Variants in A1CF observed in about 807,000 individuals in gnomAD.
A1CF encodes APOBEC-1 stimulating protein.
Under a neutral mutation model 68.9 loss-of-function variants are expected in A1CF, and 48 were observed. The ratio of observed to expected loss-of-function variants is 0.70; its 90% CI spans 0.55 to 0.89. The LOEUF (loss-of-function observed/expected upper bound fraction) is 0.89, where lower values mean the gene tolerates loss of function less well. Ranked by LOEUF, A1CF falls within the 40% of genes least tolerant of loss-of-function variation. The probability of loss-of-function intolerance (pLI) is 0.00; values close to 1 mark genes in which losing one functional copy is unlikely to be tolerated. For synonymous variants in A1CF, 272 were observed against 260.4 expected (o/e 1.04, Z -0.43); for missense variants, 653 against 718.9 (o/e 0.91, Z 1.05).
intron 1 of A1CF, among the ~76,000 whole-genome samples, chr10:50,868,357 T>C (rs1419798160): frequency 6.6e-6 from 1 of 152,182 alleles, no homozygotes; most frequent in African/African-American, 2.4e-5. Context: ...ATATCCACCT[T>C]GGAAAAATAT....
chr10:50,824,953 C>T (rs995286620), intron 7 of A1CF, among the ~76,000 whole-genome samples: 4 of 152,170 alleles, frequency 2.6e-5, no homozygotes, highest in African/African-American at 9.7e-5. Context: ...GGTGGTCCAT[C>T]ATTTGCAGAT....
intron 7 of A1CF, chr10:50,822,561 A>C (rs757233468): frequency 6.6e-5 from 10 of 152,120 alleles, no homozygotes; most frequent in Admixed American, 1.3e-4. Context: ...ACATAAGGAC[A>C]ATTTAAAGAC....
intron 1 of A1CF, among the ~76,000 whole-genome samples, chr10:50,876,431 G>C (rs1401770066): frequency 1.3e-5 from 2 of 152,196 alleles, no homozygotes; most frequent in African/African-American, 4.8e-5. Context: ...ATTGAGAGAT[G>C]AATGATAGGT....
intron 7 of A1CF, among the ~76,000 whole-genome samples, chr10:50,823,820 C>G (rs892823832): frequency 6.6e-6 from 1 of 152,052 alleles, no homozygotes; most frequent in Non-Finnish European, 1.5e-5. Flanking sequence ...TAATATTATT[C>G]AAGTTCATCA....
intron 6 of A1CF, among the ~76,000 whole-genome samples, chr10:50,830,150 G>A (rs552674836): frequency 6.6e-6 from 1 of 152,054 alleles, no homozygotes; most frequent in South Asian, 2.1e-4. Context: ...CATTTTAATG[G>A]AAACTTTGTA....
intron 1 of A1CF, among the ~76,000 whole-genome samples, chr10:50,885,029 T>C (rs2132648890): frequency 6.6e-6 from 1 of 152,320 alleles, no homozygotes; most frequent in East Asian, 1.9e-4. Flanking sequence ...AAGTGAATAG[T>C]TTAAACATTC....
chr10:50,883,932 A>G (rs924510182), intron 1 of A1CF, among the ~76,000 whole-genome samples: 1 of 152,222 alleles, frequency 6.6e-6, no homozygotes, highest in Non-Finnish European at 1.5e-5. Context: ...TTATAATAGT[A>G]TCACACCATA....
intron 2 of A1CF, among the ~76,000 whole-genome samples, chr10:50,860,277 C>T (rs1404404647): frequency 6.6e-6 from 1 of 152,122 alleles, no homozygotes; most frequent in Non-Finnish European, 1.5e-5. Context: ...TCACCAAATA[C>T]TCAAAAACAG....
At chr10:50,820,961 A>G (rs1838631946) in intron 7 of A1CF, among the ~76,000 whole-genome samples, 1 of 152,140 alleles carries the variant, frequency 6.6e-6, no homozygotes, top group Non-Finnish European at 1.5e-5. Flanking sequence ...TTGCATGGTA[A>G]AATACTTGTT....
intron 8 of A1CF, chr10:50,816,636 C>T (rs1382729397): frequency 1.1e-5 from 2 of 179,672 alleles, no homozygotes; most frequent in Non-Finnish European, 2.3e-5. Context: ...TATATAACTA[C>T]AAGACAATTT....
chr10:50,837,137 C>A (rs1403154742), intron 5 of A1CF, among the ~76,000 whole-genome samples: 1 of 152,188 alleles, frequency 6.6e-6, no homozygotes, highest in African/African-American at 2.4e-5. Flanking sequence ...TCACATATGA[C>A]CTTATCTGCC....
At chr10:50,836,380 G>T in intron 5 of A1CF, 68 bp from the exon 6 acceptor site, 1 of 1,513,788 alleles carries the variant, frequency 6.6e-7, no homozygotes, top group Non-Finnish European at 8.9e-7. Context: ...ATGTATGGCT[G>T]TGGGCCAAAT....
At chr10:50,809,273 C>T (rs1346869129) in intron 12 of A1CF, among the ~76,000 whole-genome samples, 1 of 152,192 alleles carries the variant, frequency 6.6e-6, no homozygotes, top group Non-Finnish European at 1.5e-5. Context: ...TGATTATTCA[C>T]ATATTGAAAG....
intron 3 of A1CF, among the ~76,000 whole-genome samples, chr10:50,858,999 T>C (rs1333988595): frequency 6.6e-6 from 1 of 152,106 alleles, no homozygotes; most frequent in African/African-American, 2.4e-5. Context: ...CAAAGGAGCA[T>C]CTAATGGAAG....
At chr10:50,827,184 G>A (rs1838986665) in intron 7 of A1CF, among the ~76,000 whole-genome samples, 1 of 152,016 alleles carries the variant, frequency 6.6e-6, no homozygotes, top group African/African-American at 2.4e-5. Flanking sequence ...AATAATAATG[G>A]GAGACTTTAA....
At chr10:50,841,333 C>T (rs752510235) in intron 5 of A1CF, among the ~76,000 whole-genome samples, 4 of 152,292 alleles carry the variant, frequency 2.6e-5, no homozygotes, top group Middle Eastern at 3.4e-3. Flanking sequence ...GTTTTCACTT[C>T]GGGAACTTTA....
intron 1 of A1CF, among the ~76,000 whole-genome samples, chr10:50,881,893 G>A (rs569719561): frequency 3.1e-4 from 47 of 152,168 alleles, no homozygotes; most frequent in African/African-American, 1.1e-3. Flanking sequence ...AACAAACTTG[G>A]AAAATGTTCT....
intron 1 of A1CF, among the ~76,000 whole-genome samples, chr10:50,876,693 T>G (rs1487485429): frequency 3.3e-5 from 5 of 152,140 alleles, no homozygotes; most frequent in African/African-American, 1.2e-4. Flanking sequence ...CCTTTGGACT[T>G]GGGCTGGAAC....
chr10:50,814,119 C>T, intron 9 of A1CF, 81 bp from the exon 10 acceptor site: 1 of 1,527,874 alleles, frequency 6.5e-7, no homozygotes, highest in Non-Finnish European at 9.0e-7. Context: ...CACCCTGAAT[C>T]TTACTGTAAT....
Sources: gnomAD v4.1 joint callset for allele counts (sites outside exome capture counted in the v4.1 genomes callset) on GRCh38, gnomAD v4.1.1 for gene constraint, MANE v1.5 for transcripts, NCBI Gene and HGNC (gene_info 2026-07-23, HGNC 2026-07-21) for gene names.